AGAP4: variants seen among roughly 807,000 people sequenced by gnomAD.
AGAP4 encodes the protein ArfGAP with GTPase domain, ankyrin repeat and PH domain 4.
AGAP4 carries 13 observed loss-of-function variants against 60.7 expected under a neutral mutation model. The observed-to-expected ratio is 0.21, with a 90% CI of 0.14 to 0.34. The LOEUF is 0.34. AGAP4 is among the 10% of genes least tolerant of loss of function. The probability of loss-of-function intolerance (pLI) is 1.00; values close to 1 mark genes in which losing one functional copy is unlikely to be tolerated. For synonymous variants in AGAP4, 70 were observed against 339.0 expected (o/e 0.21, Z 8.72); for missense variants, 169 against 884.0 (o/e 0.19, Z 10.26).
chr10:45,828,733 G>A (rs3881610), intron 6 of AGAP4, among the ~76,000 whole-genome samples: 2 of 20,564 alleles, frequency 9.7e-5, no homozygotes, highest in Non-Finnish European at 1.7e-4. Flanking sequence ...TTTTACTCTT[G>A]TTGCCCAGGC....
At chr10:45,847,511 C>A (rs2059019973), upstream of AGAP4, 1 of 1,515,382 alleles carries the variant, frequency 6.6e-7, no homozygotes. Flanking sequence ...CTGGCCCTGG[C>A]CCTGGCCCCG....
chr10:45,846,892 G>A (rs1226233769), intron 1 of AGAP4, 137 bp from the exon 2 acceptor site: 111 of 1,053,196 alleles, frequency 1.1e-4, no homozygotes, highest in Non-Finnish European at 1.4e-4. Flanking sequence ...TGAGATGAGA[G>A]AGCAAGAACT....
upstream of AGAP4, chr10:45,847,744 G>A (rs2059023376): frequency 8.4e-7 from 1 of 1,189,534 alleles, no homozygotes; most frequent in African/African-American, 1.6e-5. Flanking sequence ...CCAGGCATGT[G>A]GCACACAATG....
At chr10:45,849,896 C>T (rs1280167664), upstream of AGAP4, among the ~76,000 whole-genome samples, 8 of 151,266 alleles carry the variant, frequency 5.3e-5, no homozygotes, top group East Asian at 2.0e-4. Flanking sequence ...GCATGAGCCA[C>T]CGTGCCCAGC....
At chr10:45,848,121 C>T (rs1257648949), upstream of AGAP4, among the ~76,000 whole-genome samples, 1 of 148,206 alleles carries the variant, frequency 6.7e-6, no homozygotes, top group Non-Finnish European at 1.5e-5. Flanking sequence ...ACTAAACACT[C>T]CTCTCCTGTC....
chr10:45,836,289 A>C (rs2058816499), intron 4 of AGAP4, among the ~76,000 whole-genome samples: 1 of 152,076 alleles, frequency 6.6e-6, no homozygotes, highest in South Asian at 2.1e-4. Context: ...GTTTGATTCT[A>C]AGCTTGGTCG....
intron 1 of AGAP4, among the ~76,000 whole-genome samples, chr10:45,852,656 T>A (rs1480551943): frequency 2.6e-5 from 4 of 151,112 alleles, no homozygotes; most frequent in African/African-American, 9.7e-5. Context: ...GTGGAAAAAA[T>A]TTAAGTAATG....
intron 5 of AGAP4, among the ~76,000 whole-genome samples, chr10:45,831,887 G>T (rs1228337183): frequency 6.8e-6 from 1 of 147,176 alleles, no homozygotes; most frequent in Non-Finnish European, 1.5e-5. Context: ...CTACAAGTTT[G>T]TGCCACTATG....
upstream of AGAP4, among the ~76,000 whole-genome samples, chr10:45,849,225 C>CA (rs1228602211): frequency 1.5e-4 from 22 of 151,018 alleles, no homozygotes; most frequent in Admixed American, 8.6e-4. Flanking sequence ...GACTCCATCC[C>CA]AAAAAACAAA....
chr10:45,831,491 T>C, intron 5 of AGAP4, 62 bp from the exon 6 acceptor site: 1 of 1,550,124 alleles, frequency 6.5e-7, no homozygotes, highest in African/African-American at 1.4e-5. Context: ...GAAGACATTT[T>C]TTAAAAGGGG....
intron 5 of AGAP4, among the ~76,000 whole-genome samples, chr10:45,831,946 G>C (rs1258129093): frequency 6.8e-6 from 1 of 147,142 alleles, no homozygotes; most frequent in Non-Finnish European, 1.5e-5. Flanking sequence ...TTTCGCTCTT[G>C]TTGCCCAGGC....
intron 2 of AGAP4, 193 bp from the exon 3 acceptor site, chr10:45,844,587 C>G (rs2058971376): frequency 1.3e-6 from 1 of 751,080 alleles, no homozygotes; most frequent in Admixed American, 3.4e-5. Context: ...ACTCAGGAGG[C>G]TGAGATGGGA....
chr10:45,853,352 T>G (rs1263868851), intron 1 of AGAP4, among the ~76,000 whole-genome samples: 10 of 151,400 alleles, frequency 6.6e-5, no homozygotes, highest in African/African-American at 1.2e-4. Flanking sequence ...GAATAACATC[T>G]TCTACAGTCT....
At chr10:45,849,784 G>A (rs1160637286), upstream of AGAP4, among the ~76,000 whole-genome samples, 8 of 151,244 alleles carry the variant, frequency 5.3e-5, no homozygotes, top group South Asian at 2.1e-4. Flanking sequence ...GGGATTGCAG[G>A]CATGCGCCAC....
intron 6 of AGAP4, among the ~76,000 whole-genome samples, chr10:45,828,546 G>C (rs1488497223): frequency 6.8e-6 from 1 of 147,548 alleles, no homozygotes; most frequent in Non-Finnish European, 1.5e-5. Flanking sequence ...TTTTTAAGAC[G>C]CCAGTCTTTG....
At chr10:45,844,571 C>T (rs2058971200) in intron 2 of AGAP4, 177 bp from the exon 3 acceptor site, 1 of 1,075,968 alleles carries the variant, frequency 9.3e-7, no homozygotes, top group East Asian at 2.7e-5. Flanking sequence ...GCTTGTAGTC[C>T]CAGCTACTCA....
chr10:45,852,752 C>T (rs1332139764), intron 1 of AGAP4, among the ~76,000 whole-genome samples: 6 of 151,912 alleles, frequency 3.9e-5, no homozygotes, highest in African/African-American at 1.5e-4. Context: ...GTTTCAGTAA[C>T]CAGTATCTAG....
intron 6 of AGAP4, among the ~76,000 whole-genome samples, chr10:45,830,706 C>T (rs1339537946): frequency 4.2e-4 from 55 of 129,428 alleles, no homozygotes; most frequent in African/African-American, 1.5e-3. Context: ...AGGATGGTCT[C>T]GATCTCCTGA....
intron 3 of AGAP4, among the ~76,000 whole-genome samples, 174 bp from the exon 4 acceptor site, chr10:45,841,861 A>C (rs1334010742): frequency 1.3e-5 from 2 of 151,920 alleles, no homozygotes; most frequent in African/African-American, 4.8e-5. Context: ...TCATAAGTCA[A>C]ATCTAAAAAC....
Sources: gnomAD v4.1 joint callset for allele counts (sites outside exome capture counted in the v4.1 genomes callset) on GRCh38, gnomAD v4.1.1 for gene constraint, MANE v1.5 for transcripts, NCBI Gene and HGNC (gene_info 2026-07-23, HGNC 2026-07-21) for gene names.